Variants in CFAP45 observed in about 807,000 individuals in gnomAD.
The protein encoded by CFAP45 is cilia and flagella associated protein 45.
Under a neutral mutation model 75.6 loss-of-function variants are expected in CFAP45, and 43 were observed. The ratio of observed to expected loss-of-function variants is 0.57; its 90% CI spans 0.45 to 0.73. CFAP45 has a LOEUF of 0.73. CFAP45 is among the 30% of genes least tolerant of loss of function. The pLI is 0.00. For synonymous variants in CFAP45, 223 were observed against 244.6 expected, an observed-to-expected ratio of 0.91 and a Z score of 0.82; for missense variants, 689 against 701.5, an observed-to-expected ratio of 0.98 and a Z score of 0.20.
At chr1:159,899,174 C>T (rs1650014754) in intron 1 of CFAP45, among the ~76,000 whole-genome samples, 1 of 152,176 alleles carries the variant, frequency 6.6e-6, no homozygotes, top group Non-Finnish European at 1.5e-5. Flanking sequence ...CTTCTCAGCC[C>T]TCAGTACCCT....
rs1480002064 is a variant in CFAP45 at position 159,877,736 on chromosome 1, G to A, written c.1045-274C>T. On this transcript the variant is annotated intron_variant, in intron 8 of 11. Transcript: ENST00000368099. Reference sequence around the variant, plus strand: ...TACTAGAAATCTAAAAATTAGCCAGGCATGGTGGCATGTGCCTATAGTCCC... The same window carrying A: ...TACTAGAAATCTAAAAATTAGCCAGACATGGTGGCATGTGCCTATAGTCCC... Among the ~76,000 whole-genome samples, 3 of 152,080 alleles carry A rather than the reference G, an allele frequency of 2.0e-5. No individual in the cohort carries two copies. The East Asian group carries it at 5.8e-4, about 29-fold the overall frequency.
At chr1:159,890,653 T>C in intron 2 of CFAP45, 31 bp from the exon 3 acceptor site, 2 of 1,610,118 alleles carry the variant, frequency 1.2e-6, no homozygotes, top group Non-Finnish European at 1.7e-6. Context: ...GCTTAGAAGC[T>C]TGTCACCCCC....
chr1:159,888,065 T>A, intron 4 of CFAP45, 54 bp from the exon 5 acceptor site: 1 of 1,563,058 alleles, frequency 6.4e-7, no homozygotes, highest in Non-Finnish European at 8.8e-7. Context: ...CTCTGTGCCC[T>A]GGGCGCTAGC....
intron 1 of CFAP45, among the ~76,000 whole-genome samples, chr1:159,898,633 C>G (rs1553223387): frequency 6.6e-6 from 1 of 152,182 alleles, no homozygotes; most frequent in Non-Finnish European, 1.5e-5. Flanking sequence ...CTGAAGCCCA[C>G]AGGTCTTGCC....
intron 2 of CFAP45, among the ~76,000 whole-genome samples, chr1:159,892,913 G>T (rs538581381): frequency 6.6e-6 from 1 of 152,300 alleles, no homozygotes; most frequent in East Asian, 1.9e-4. Flanking sequence ...ACTCTCTGCA[G>T]CTGAGCCTCC....
At chr1:159,895,977 C>G (rs1040075180) in intron 1 of CFAP45, among the ~76,000 whole-genome samples, 11 of 152,174 alleles carry the variant, frequency 7.2e-5, no homozygotes, top group Admixed American at 2.0e-4. Context: ...GACTGCAGAC[C>G]AGATTGAGAT....
In CFAP45 at chr1:159,880,687, C is replaced by T. The variant is rs1649528262; in HGVS notation, c.911G>A (p.Arg304Lys). The T allele has an allele frequency of 1.2e-6, 2 of 1,613,722 alleles. No individual in the cohort carries two copies. The highest frequency in any genetic ancestry group is 1.7e-6 in the Non-Finnish European group (2 of 1,179,918). ...TTGCATCTTCAGTTTTTGTTGCTGC[C>T]TTCGTTCCATGTCCTGCCAGCAAAA... ...QEEDLKDMERRQQQKLKMQAE... is the reference protein window; with the variant it reads ...QEEDLKDMERKQQQKLKMQAE... The change falls in exon 8 of 12, where the codon AGG becomes AAG. Residue 304 changes from arginine to lysine, a missense_variant. By Grantham distance (26) the Arg-to-Lys change is conservative. Coordinates refer to ENST00000368099, the MANE Select transcript of CFAP45 (RefSeq NM_012337.3).
intron 1 of CFAP45, among the ~76,000 whole-genome samples, chr1:159,898,804 T>C (rs1230825684): frequency 1.3e-5 from 2 of 152,284 alleles, no homozygotes; most frequent in East Asian, 3.9e-4. Context: ...TGAGAGAAGA[T>C]GGGACACTGA....
chr1:159,899,531 G>C (rs1650023930), intron 1 of CFAP45, among the ~76,000 whole-genome samples: 1 of 142,334 alleles, frequency 7.0e-6, no homozygotes, highest in Non-Finnish European at 1.5e-5. Flanking sequence ...GCAGTGGCGC[G>C]ATCTCGGCTC....
At chr1:159,886,441 G>T in intron 6 of CFAP45, 70 bp downstream of exon 6, 1 of 1,313,170 alleles carries the variant, frequency 7.6e-7, no homozygotes, top group Non-Finnish European at 1.1e-6. Flanking sequence ...TTCCCTCTTT[G>T]CTAGGCTACA....
intron 1 of CFAP45, among the ~76,000 whole-genome samples, chr1:159,899,244 G>A (rs947522700): frequency 6.6e-6 from 1 of 151,892 alleles, no homozygotes; most frequent in African/African-American, 2.4e-5. Flanking sequence ...TCTCTCTCCC[G>A]GGCCTTGCAA....
chr1:159,898,592 T>C (rs2101855011), intron 1 of CFAP45, among the ~76,000 whole-genome samples: 1 of 152,302 alleles, frequency 6.6e-6, no homozygotes, highest in African/African-American at 2.4e-5. Flanking sequence ...CCTGAGTGGC[T>C]CCTGGATGGG....
chr1:159,889,038 C>T lies in CFAP45; in HGVS notation c.273-542G>A, dbSNP rs148699216. Among the ~76,000 whole-genome samples, 471 of 152,204 alleles carry T rather than the reference C, an allele frequency of 3.1e-3. 4 individuals are homozygous for T. The highest frequency in any genetic ancestry group is 0.021 in the Admixed American group (327 of 15,304). On this transcript the variant is annotated intron_variant, in intron 3 of 11. Transcript: ENST00000368099. Reference sequence around the variant, plus strand: ...TTATTCCTCAAGGATGACATAAAAACGGCAAGGGGACGCCAGACAAGGTTG... The same window carrying T: ...TTATTCCTCAAGGATGACATAAAAATGGCAAGGGGACGCCAGACAAGGTTG...
chr1:159,880,306 A>G (rs1315830398), intron 8 of CFAP45, among the ~76,000 whole-genome samples: 1 of 152,214 alleles, frequency 6.6e-6, no homozygotes, highest in African/African-American at 2.4e-5. Context: ...CCCTCATCCC[A>G]ACTTCTAATC....
At position 159,887,834 on chromosome 1, in the gene CFAP45, A is replaced by G. The variant is rs757976572; in HGVS notation, c.588+7T>C. 1 of 1,607,620 alleles carries G rather than the reference A, an allele frequency of 6.2e-7. No homozygotes were observed. The highest frequency in any genetic ancestry group is 8.5e-7 in the Non-Finnish European group (1 of 1,175,926). On this transcript the variant is annotated splice_region_variant and intron_variant, in intron 5 of 11. Coordinates refer to ENST00000368099, the MANE Select transcript of CFAP45 (RefSeq NM_012337.3). ...GCTCAGAGGGAAGGGAGAGACGAAG[A>G]GCCCACCTTGCTCATGTCCTTGAGC...
chr1:159,890,818 G>A (rs1372193530), intron 2 of CFAP45, among the ~76,000 whole-genome samples, 196 bp from the exon 3 acceptor site: 2 of 148,994 alleles, frequency 1.3e-5, no homozygotes, highest in Non-Finnish European at 3.0e-5. Context: ...GAGTGCAGTG[G>A]CACGATCTTG....
chr1:159,874,689 G>A (rs756146156), intron 10 of CFAP45, among the ~76,000 whole-genome samples: 27 of 152,190 alleles, frequency 1.8e-4, no homozygotes, highest in Non-Finnish European at 3.1e-4. Flanking sequence ...GAACCTGGTC[G>A]TTCCATCGGG....
rs756579522 is a variant in CFAP45 at position 159,900,076 on chromosome 1, C to A, written c.3+20G>T. On this transcript the variant is annotated intron_variant, in intron 1 of 11. Transcript: ENST00000368099. ...CACCCAATTCAGGACACAAGGGGCC[C>A]ATCTGAGGTTCTCCCTCACCATCTC... The A allele has an allele frequency of 6.2e-7, 1 of 1,614,084 alleles. No homozygotes were observed. The highest frequency in any genetic ancestry group is 1.1e-5 in the South Asian group (1 of 91,080).
intron 1 of CFAP45, among the ~76,000 whole-genome samples, chr1:159,894,437 C>T (rs142775188): frequency 6.6e-6 from 1 of 152,318 alleles, no homozygotes; most frequent in African/African-American, 2.4e-5. Flanking sequence ...CACAATCTTA[C>T]AAGGTTATGG....
Sources: allele counts gnomAD v4.1 joint callset (sites outside exome capture counted in the v4.1 genomes callset), GRCh38; gene constraint gnomAD v4.1.1; transcripts MANE v1.5; gene names NCBI Gene and HGNC (gene_info 2026-07-23, HGNC 2026-07-21).